Variants in EPB41L4A observed in about 807,000 individuals in gnomAD.
EPB41L4A encodes band 4.1-like protein 4A.
Under a neutral mutation model 108.6 loss-of-function variants are expected in EPB41L4A, and 100 were observed. The observed-to-expected ratio is 0.92, with a 90% CI of 0.78 to 1.09. The LOEUF (loss-of-function observed/expected upper bound fraction) is 1.09, where lower values mean the gene tolerates loss of function less well. Ranked by LOEUF, EPB41L4A falls within the 50% of genes least tolerant of loss-of-function variation. The pLI, the probability that EPB41L4A is intolerant of heterozygous loss-of-function variation, is 0.00. For synonymous variants in EPB41L4A, 319 were observed against 289.0 expected (o/e 1.10, Z -1.05); for missense variants, 1,030 against 842.7 (o/e 1.22, Z -2.75).
intron 1 of EPB41L4A, among the ~76,000 whole-genome samples, chr5:112,418,147 C>G (rs1296706572): frequency 3.9e-5 from 6 of 152,140 alleles, no homozygotes; most frequent in Non-Finnish European, 8.8e-5. Context: ...AACAACAAAA[C>G]GCTCCGGATT....
chr5:112,301,727 C>T (rs955442610), intron 2 of EPB41L4A, among the ~76,000 whole-genome samples: 1 of 152,046 alleles, frequency 6.6e-6, no homozygotes, highest in Admixed American at 6.6e-5. Flanking sequence ...TGTCAATTTC[C>T]ATAGAAAATA....
chr5:112,298,839 G>C (rs1300038427), intron 2 of EPB41L4A, among the ~76,000 whole-genome samples: 1 of 152,068 alleles, frequency 6.6e-6, no homozygotes, highest in African/African-American at 2.4e-5. Context: ...TTAATGGTCT[G>C]TTCAGGGTTT....
chr5:112,236,965 T>C (rs946421213), intron 11 of EPB41L4A, among the ~76,000 whole-genome samples: 12 of 152,212 alleles, frequency 7.9e-5, no homozygotes, highest in African/African-American at 2.2e-4. Context: ...CCATGCTTCA[T>C]AGAATGTGAA....
Position 112,163,911 on chromosome 5 carries a change from A to C in EPB41L4A, c.*1079T>G, listed in dbSNP as rs1191953431. 6.6e-6 allele frequency: 1 copy of C among 152,428 alleles called. No homozygotes were observed. The highest frequency in any genetic ancestry group is 2.4e-5 in the African/African-American group (1 of 41,448). The allele number at this position is 152,428 out of a possible 1,614,324, so 9.4% of individuals were successfully genotyped here. On this transcript the variant is annotated 3_prime_UTR_variant, in exon 23 of 23. Transcript: ENST00000261486. Reference sequence around the variant, plus strand: ...AAGAGCATCCAAAGCACAGGTGGAGAGACAAAAAGGTTAGGGCTGCTGGCA... The same window carrying C: ...AAGAGCATCCAAAGCACAGGTGGAGCGACAAAAAGGTTAGGGCTGCTGGCA...
At chr5:112,262,725 C>T (rs114966864) in intron 6 of EPB41L4A, 144 bp from the exon 7 acceptor site, 2 of 681,382 alleles carry the variant, frequency 2.9e-6, no homozygotes, top group Non-Finnish European at 4.9e-6. Flanking sequence ...TTCAAGAAGG[C>T]CTTTGCTTCT....
At chr5:112,195,237 C>T (rs1343730434) in intron 16 of EPB41L4A, among the ~76,000 whole-genome samples, 13 of 152,072 alleles carry the variant, frequency 8.5e-5, no homozygotes, top group Non-Finnish European at 1.5e-5. Flanking sequence ...CCCAGGCCTC[C>T]AGCCTTTCTG....
chr5:112,211,813 T>C (rs942284665), intron 12 of EPB41L4A, among the ~76,000 whole-genome samples: 3 of 151,710 alleles, frequency 2.0e-5, no homozygotes, highest in Non-Finnish European at 4.4e-5. Flanking sequence ...CAGATAAGAG[T>C]TCCAAAAACT....
intron 13 of EPB41L4A, among the ~76,000 whole-genome samples, chr5:112,206,463 A>G (rs1762478282): frequency 6.6e-6 from 1 of 152,298 alleles, no homozygotes; most frequent in African/African-American, 2.4e-5. Flanking sequence ...AACCCATAGT[A>G]TTAGTAGATG....
intron 12 of EPB41L4A, among the ~76,000 whole-genome samples, chr5:112,229,898 G>C (rs1748746754): frequency 6.6e-6 from 1 of 150,912 alleles, no homozygotes; most frequent in South Asian, 2.1e-4. Flanking sequence ...TGAGGCAGGA[G>C]AATGGTGTGA....
rs959447794 is a variant in EPB41L4A, at chr5:112,241,603, A to G, written c.796-793T>C. Among the ~76,000 whole-genome samples, 9 of 152,242 alleles carry G rather than the reference A, an allele frequency of 5.9e-5. 1 individual carries two copies. The highest frequency in any genetic ancestry group is 5.2e-4 in the Admixed American group (8 of 15,284). On this transcript the variant is annotated intron_variant, in intron 9 of 22. Transcript: ENST00000261486. ...AATAGAGCATAACAACTATTTACAT[A>G]GCACTTAGATTAGGAATCATAAGTA...
intron 12 of EPB41L4A, among the ~76,000 whole-genome samples, chr5:112,213,353 GT>G (rs66953318): frequency 0.71 from 102,752 of 144,382 alleles, 36,548 homozygotes; most frequent in East Asian, 0.99. Context: ...TTTTTTTTTT[GT>G]TTTTTTTTTT....
At chr5:112,271,860 C>T (rs77383453) in intron 4 of EPB41L4A, among the ~76,000 whole-genome samples, 2,486 of 152,202 alleles carry the variant, frequency 0.016, 63 homozygotes, top group African/African-American at 0.057. Context: ...TAATAGGAAG[C>T]TGGCTGATGT....
At chr5:112,146,957 A>G (rs1759282014) in intron 12 of EPB41L4A, among the ~76,000 whole-genome samples, 1 of 152,384 alleles carries the variant, frequency 6.6e-6, no homozygotes, top group East Asian at 1.9e-4. Context: ...AGTATGAAAA[A>G]TATAAAAACC....
intron 4 of EPB41L4A, among the ~76,000 whole-genome samples, chr5:112,274,271 C>A (rs1433846664): frequency 2.0e-5 from 3 of 152,034 alleles, no homozygotes; most frequent in East Asian, 1.9e-4. Flanking sequence ...CAGAGCGAGA[C>A]CCTGTGTCTT....
intron 2 of EPB41L4A, among the ~76,000 whole-genome samples, chr5:112,297,672 T>C (rs1020920721): frequency 6.6e-6 from 1 of 152,172 alleles, no homozygotes; most frequent in South Asian, 2.1e-4. Flanking sequence ...TTTTGTTGCA[T>C]TTGCTTTTGG....
At chr5:112,143,179 T>C (rs1027658990) in exon 14 of EPB41L4A, 1 of 152,210 alleles carries the variant, frequency 6.6e-6, no homozygotes, top group Non-Finnish European at 1.5e-5. Flanking sequence ...AGACCACAGT[T>C]ACCCAACCAA....
At chr5:112,345,410 A>C (rs1204480085) in intron 1 of EPB41L4A, among the ~76,000 whole-genome samples, 1 of 152,196 alleles carries the variant, frequency 6.6e-6, no homozygotes, top group Non-Finnish European at 1.5e-5. Flanking sequence ...TGACACTTAG[A>C]TATGCTGAAG....
chr5:112,211,135 G>A lies in EPB41L4A; in HGVS notation c.1088-1153C>T, dbSNP rs537347570. On this transcript the variant is annotated intron_variant, in intron 12 of 22. Coordinates refer to ENST00000261486, the MANE Select transcript of EPB41L4A (RefSeq NM_022140.5). Reference sequence around the variant, plus strand: ...TTAAAAAAAATGGGCCTTTCTCAAGGTCCCACAGCTCCTGAGTGGTGGGGC... The same window carrying A: ...TTAAAAAAAATGGGCCTTTCTCAAGATCCCACAGCTCCTGAGTGGTGGGGC... 9.2e-5 allele frequency among the ~76,000 whole-genome samples: 14 copies of A among 152,182 alleles called. No individual in the cohort carries two copies. In the South Asian group the frequency reaches 2.7e-3, roughly 29 times the overall value.
Position 112,259,290 on chromosome 5 carries a change from G to A in EPB41L4A, c.734C>T (p.Pro245Leu). Reference sequence around the variant, plus strand: ...CTTGAAGTGAACCTTTGTAATCCGAGGCCTAAAAAACAAAGCAGATGGTGT... The same window carrying A: ...CTTGAAGTGAACCTTTGTAATCCGAAGCCTAAAAAACAAAGCAGATGGTGT... Reference protein sequence around the residue: ...NKKQVGKYFWPRITKVHFKET... With the variant: ...NKKQVGKYFWLRITKVHFKET... Residue 245 changes from proline to leucine, a missense_variant and splice_region_variant, in exon 9 of 23, where the codon CCT becomes CTT. Coordinates refer to ENST00000261486, the MANE Select transcript of EPB41L4A (RefSeq NM_022140.5). The A allele has an allele frequency of 6.2e-7, 1 of 1,613,528 alleles. No individual in the cohort carries two copies. Among genetic ancestry groups the A allele is most frequent in the Non-Finnish European group, 8.5e-7 (1 of 1,179,562 alleles).
Sources: gnomAD v4.1 joint callset for allele counts (sites outside exome capture counted in the v4.1 genomes callset) on GRCh38, gnomAD v4.1.1 for gene constraint, MANE v1.5 for transcripts, NCBI Gene and HGNC (gene_info 2026-07-23, HGNC 2026-07-21) for gene names.